BCL2L14: variants seen among roughly 807,000 people sequenced by gnomAD.
The protein encoded by BCL2L14 is apoptosis facilitator Bcl-2-like protein 14.
In BCL2L14, 27 loss-of-function variants were observed where a neutral mutation model predicts 35.3. That is an observed-to-expected ratio of 0.76 (90% CI 0.56 to 1.05). The LOEUF is 1.05. Ranked by LOEUF, BCL2L14 falls within the 50% of genes least tolerant of loss-of-function variation. The pLI is 0.00. For missense variants in BCL2L14, 377 were observed against 382.6 expected (o/e 0.99, Z 0.12); for synonymous variants, 139 against 145.9 (o/e 0.95, Z 0.34).
intron 5 of BCL2L14, chr12:12,096,297 C>A: frequency 4.9e-6 from 2 of 411,472 alleles, no homozygotes; most frequent in Non-Finnish European, 6.5e-6. Context: ...TCTGTTTAAC[C>A]CACTAATGTA....
intron 2 of BCL2L14, among the ~76,000 whole-genome samples, chr12:12,080,619 C>CAA (rs36081910): frequency 7.7e-4 from 73 of 95,400 alleles, no homozygotes; most frequent in African/African-American, 1.1e-3. Flanking sequence ...GACTTTGTCT[C>CAA]AAAAAAAAAA....
intron 1 of BCL2L14, chr12:12,050,061 AT>A (rs1429308555): frequency 6.6e-6 from 1 of 152,174 alleles, no homozygotes. Context: ...TTGGGAGACA[AT>A]CCGTTTATCA....
chr12:12,053,375 A>T (rs1356046211), intron 2 of BCL2L14, among the ~76,000 whole-genome samples: 1 of 151,750 alleles, frequency 6.6e-6, no homozygotes, highest in Non-Finnish European at 1.5e-5. Flanking sequence ...CAGGGGACAC[A>T]ATCTATACCA....
At chr12:12,065,554 G>T (rs1206970358) in intron 2 of BCL2L14, among the ~76,000 whole-genome samples, 1 of 149,174 alleles carries the variant, frequency 6.7e-6, no homozygotes, top group East Asian at 2.0e-4. Context: ...AAAAAAAGAA[G>T]AAGAAGTGAC....
At chr12:12,094,970 C>T (rs774075512) in intron 5 of BCL2L14, 40 bp downstream of exon 5, 1 of 1,585,056 alleles carries the variant, frequency 6.3e-7, no homozygotes, top group South Asian at 1.1e-5. Flanking sequence ...TCTCAGAACT[C>T]AGAAGAGATG....
intron 2 of BCL2L14, among the ~76,000 whole-genome samples, chr12:12,065,253 C>T (rs1386746667): frequency 2.0e-5 from 3 of 152,150 alleles, no homozygotes; most frequent in East Asian, 1.9e-4. Context: ...CAAGACAGGC[C>T]GGGTGCAGTG....
intron 1 of BCL2L14, among the ~76,000 whole-genome samples, chr12:12,074,536 T>C (rs1242888509): frequency 7.0e-6 from 1 of 143,008 alleles, no homozygotes; most frequent in Admixed American, 7.2e-5. Context: ...CCTCCTGGGT[T>C]CAAGTGATTC....
At chr12:12,092,655 C>A (rs1470162515) in intron 4 of BCL2L14, among the ~76,000 whole-genome samples, 1 of 152,160 alleles carries the variant, frequency 6.6e-6, no homozygotes, top group Non-Finnish European at 1.5e-5. Context: ...TGGCACAGTC[C>A]CCACTTGGCT....
upstream of BCL2L14, among the ~76,000 whole-genome samples, chr12:12,070,406 C>T (rs933521043): frequency 2.0e-5 from 3 of 152,148 alleles, no homozygotes; most frequent in Non-Finnish European, 1.5e-5. Flanking sequence ...ATATGTTGGC[C>T]GGGCGCAGTG....
chr12:12,074,903 A>G (rs570958735), intron 1 of BCL2L14, among the ~76,000 whole-genome samples: 1 of 152,094 alleles, frequency 6.6e-6, no homozygotes, highest in East Asian at 1.9e-4. Context: ...TTGGCCTCCT[A>G]AGGTGGTGGG....
chr12:12,079,223 C>G, intron 1 of BCL2L14, 76 bp from the exon 2 acceptor site: 1 of 1,248,890 alleles, frequency 8.0e-7, no homozygotes. Flanking sequence ...CCTGAGTTTT[C>G]ACCCCTGTCT....
At position 12,087,250 on chromosome 12, in the gene BCL2L14, A is replaced by T. The variant is rs1287438910; in HGVS notation, c.471A>T (p.Val157=). 6.2e-7 allele frequency: 1 copy of T among 1,614,192 alleles called. No individual in the cohort carries two copies. The highest frequency in any genetic ancestry group is 1.1e-5 in the South Asian group (1 of 91,078). Residue 157 remains valine, a synonymous_variant, in exon 3 of 6, where the codon GTA becomes GTT. Coordinates refer to ENST00000308721, the MANE Select transcript of BCL2L14 (RefSeq NM_138723.2). ...DPKVISIANR[V]AEIVYSWPPP... ...AAGTCATTTCCATTGCCAACCGAGTAGCTGAAATTGTTTACTCCTGGCCAC... is the reference window on the plus strand; with the variant it reads ...AAGTCATTTCCATTGCCAACCGAGTTGCTGAAATTGTTTACTCCTGGCCAC...
intron 2 of BCL2L14, among the ~76,000 whole-genome samples, chr12:12,084,899 CTG>C (rs569484545): frequency 6.1e-4 from 93 of 152,038 alleles, no homozygotes; most frequent in Non-Finnish European, 1.0e-3. Flanking sequence ...TGGCAAAACC[CTG>C]TCTCTACTGA....
chr12:12,052,255 T>C (rs965674173), intron 2 of BCL2L14, among the ~76,000 whole-genome samples: 1 of 152,246 alleles, frequency 6.6e-6, no homozygotes, highest in Non-Finnish European at 1.5e-5. Flanking sequence ...ATTTAAGATC[T>C]ACTTTTAGCA....
intron 3 of BCL2L14, among the ~76,000 whole-genome samples, chr12:12,088,894 AGT>A (rs1949107305): frequency 1.3e-5 from 2 of 151,486 alleles, no homozygotes; most frequent in African/African-American, 4.8e-5. Flanking sequence ...AAAAAAAAAC[AGT>A]GTGACATTTT....
chr12:12,061,217 C>T (rs1948520842), intron 2 of BCL2L14, among the ~76,000 whole-genome samples: 1 of 151,516 alleles, frequency 6.6e-6, no homozygotes, highest in Non-Finnish European at 1.5e-5. Context: ...TAATTACCAC[C>T]TTTTCCCTCA....
At chr12:12,058,586 ACCTTGTGAC>A (rs1168918038) in intron 2 of BCL2L14, among the ~76,000 whole-genome samples, 1 of 150,902 alleles carries the variant, frequency 6.6e-6, no homozygotes, top group Non-Finnish European at 1.5e-5. Context: ...CCCACTGAGT[ACCTTGTGAC>A]CCCCACTCCT....
At chr12:12,070,399 T>C (rs1246841107), upstream of BCL2L14, among the ~76,000 whole-genome samples, 1 of 152,178 alleles carries the variant, frequency 6.6e-6, no homozygotes, top group African/African-American at 2.4e-5. Flanking sequence ...AGATTAAATA[T>C]GTTGGCCGGG....
chr12:12,052,119 GTAA>G (rs1229395600), intron 2 of BCL2L14, among the ~76,000 whole-genome samples: 3 of 151,942 alleles, frequency 2.0e-5, no homozygotes, highest in Non-Finnish European at 4.4e-5. Flanking sequence ...TTAACAAGTA[GTAA>G]TAATACATGT....
Sources: allele counts gnomAD v4.1 joint callset (sites outside exome capture counted in the v4.1 genomes callset), GRCh38; gene constraint gnomAD v4.1.1; transcripts MANE v1.5; gene names NCBI Gene and HGNC (gene_info 2026-07-23, HGNC 2026-07-21).